C10orf90: variants seen among roughly 807,000 people sequenced by gnomAD.
C10orf90 encodes chromosome 10 open reading frame 90.
A neutral mutation model predicts 62.5 loss-of-function variants in C10orf90; 56 were observed. The observed-to-expected ratio is 0.90, with a 90% confidence interval of 0.72 to 1.12. The LOEUF is 1.12. Ranked by LOEUF, C10orf90 falls within the 50% of genes most tolerant of loss-of-function variation. The pLI, the probability that C10orf90 is intolerant of heterozygous loss-of-function variation, is 0.00. For synonymous variants in C10orf90, 386 were observed against 340.4 expected (o/e 1.13, Z -1.47); for missense variants, 970 against 880.4 (o/e 1.10, Z -1.29).
At chr10:126,603,697 C>G (rs1845246915) in intron 2 of C10orf90, among the ~76,000 whole-genome samples, 1 of 152,072 alleles carries the variant, frequency 6.6e-6, no homozygotes, top group African/African-American at 2.4e-5. Context: ...TGTGATAATT[C>G]ATATAAGGTG....
Position 126,669,052 on chromosome 10 carries a change from C to T in C10orf90, c.240+1189G>A, listed in dbSNP as rs1846693683. ...AACAAGTTTTTCTCTCTCTGGAGGA[C>T]TGGAAAATAACCTCAGTGAAAATTA... On this transcript the variant is annotated intron_variant, in intron 1 of 9. Coordinates refer to ENST00000488181, the MANE Select transcript of C10orf90 (RefSeq NM_001350921.2). 2.6e-5 allele frequency among the ~76,000 whole-genome samples: 4 copies of T among 152,254 alleles called. No individual in the cohort carries two copies. The South Asian group carries it at 6.2e-4, about 24-fold the overall frequency.
chr10:126,539,369 G>C (rs536669869), intron 2 of C10orf90, among the ~76,000 whole-genome samples: 1 of 152,152 alleles, frequency 6.6e-6, no homozygotes, highest in African/African-American at 2.4e-5. Context: ...CTAAACATAT[G>C]GGGGGAGGAT....
chr10:126,591,668 T>G (rs1844982436), intron 2 of C10orf90, among the ~76,000 whole-genome samples: 1 of 152,104 alleles, frequency 6.6e-6, no homozygotes, highest in African/African-American at 2.4e-5. Context: ...ACCACTTATA[T>G]TCAACATAGT....
intron 4 of C10orf90, among the ~76,000 whole-genome samples, chr10:126,484,486 GCTTT>G (rs1029704608): frequency 1.3e-4 from 20 of 152,070 alleles, no homozygotes; most frequent in Non-Finnish European, 2.4e-4. Flanking sequence ...AAAAAGTCCT[GCTTT>G]ATTTGTGAGT....
intron 1 of C10orf90, among the ~76,000 whole-genome samples, chr10:126,660,344 G>A (rs1214656312): frequency 6.6e-6 from 1 of 152,248 alleles, no homozygotes; most frequent in Admixed American, 6.5e-5. Context: ...AGTCAGGTGA[G>A]CCTTTTATAG....
intron 2 of C10orf90, among the ~76,000 whole-genome samples, chr10:126,584,628 C>T (rs548094509): frequency 6.6e-6 from 1 of 152,226 alleles, no homozygotes; most frequent in East Asian, 1.9e-4. Flanking sequence ...TCACGTGTGC[C>T]CATGTTTTGC....
At chr10:126,537,018 TA>T (rs1864255716) in intron 2 of C10orf90, among the ~76,000 whole-genome samples, 1 of 152,196 alleles carries the variant, frequency 6.6e-6, no homozygotes, top group African/African-American at 2.4e-5. Context: ...AGATAACAGG[TA>T]ATTGCTTTTT....
In C10orf90 at chr10:126,425,791, T is replaced by C. The variant is rs1857225038; in HGVS notation, c.*73A>G. 1 of 1,457,742 alleles carries C rather than the reference T, an allele frequency of 6.9e-7. No individual in the cohort carries two copies. Among genetic ancestry groups the C allele is most frequent in the Non-Finnish European group, 9.3e-7 (1 of 1,072,766 alleles). 90.3% of individuals were successfully genotyped at this position (1,457,742 alleles called of 1,614,324 possible). A position where few individuals can be genotyped will look rare whatever the true frequency, so the allele number is the denominator to read the frequency against. ...TGTTTTCCCATGATGAAGATAATGC[T>C]AAGTTTAATGGCTTATCCAGCATTC... On this transcript the variant is annotated 3_prime_UTR_variant, in exon 10 of 10. Coordinates refer to ENST00000488181, the MANE Select transcript of C10orf90 (RefSeq NM_001350921.2).
intron 4 of C10orf90, among the ~76,000 whole-genome samples, chr10:126,494,229 T>A (rs1332483978): frequency 6.6e-6 from 1 of 152,172 alleles, no homozygotes; most frequent in Non-Finnish European, 1.5e-5. Context: ...ACATCCCACC[T>A]GAAGATTGAG....
At position 126,450,128 on chromosome 10, in the gene C10orf90, G is replaced by A. The variant is rs1239426447; in HGVS notation, c.2188+8912C>T. Among the ~76,000 whole-genome samples, 7 of 152,202 alleles carry A rather than the reference G, an allele frequency of 4.6e-5. No homozygotes were observed. In the South Asian group the frequency reaches 1.2e-3, roughly 27 times the overall value. On this transcript the variant is annotated intron_variant, in intron 7 of 9. Coordinates refer to ENST00000488181, the MANE Select transcript of C10orf90 (RefSeq NM_001350921.2). Reference sequence around the variant, plus strand: ...TAGAAATAAATTTAACTGAGGAAGTGAAATATATATGTACACTAAAAGCTA... The same window carrying A: ...TAGAAATAAATTTAACTGAGGAAGTAAAATATATATGTACACTAAAAGCTA...
chr10:126,607,024 T>C (rs1325878626), intron 2 of C10orf90, among the ~76,000 whole-genome samples: 1 of 152,208 alleles, frequency 6.6e-6, no homozygotes, highest in East Asian at 1.9e-4. Flanking sequence ...ATTTCTGTAA[T>C]ATTATCAAGT....
intron 7 of C10orf90, among the ~76,000 whole-genome samples, chr10:126,448,450 TG>T: frequency 6.6e-6 from 1 of 152,168 alleles, no homozygotes; most frequent in South Asian, 2.1e-4. Flanking sequence ...AACAACCTAC[TG>T]CTACACCTCA....
chr10:126,573,168 A>G (rs1844542700), intron 2 of C10orf90, among the ~76,000 whole-genome samples: 1 of 152,166 alleles, frequency 6.6e-6, no homozygotes, highest in Non-Finnish European at 1.5e-5. Flanking sequence ...TACAACTCTA[A>G]GAGGGTCCAT....
chr10:126,521,064 C>T (rs1025094228), intron 2 of C10orf90, among the ~76,000 whole-genome samples: 5 of 152,158 alleles, frequency 3.3e-5, no homozygotes, highest in Non-Finnish European at 7.3e-5. Flanking sequence ...TTCAGCCAGC[C>T]CACACCAGCG....
intron 3 of C10orf90, among the ~76,000 whole-genome samples, chr10:126,512,492 T>C (rs952106346): frequency 1.3e-5 from 2 of 152,082 alleles, no homozygotes; most frequent in African/African-American, 4.8e-5. Flanking sequence ...TAAACTCTAA[T>C]TAATTTTTGA....
chr10:126,558,565 C>T lies in C10orf90; in HGVS notation c.314-44626G>A, dbSNP rs60295742. Among the ~76,000 whole-genome samples, 836 of 152,284 alleles carry T rather than the reference C, an allele frequency of 5.5e-3. 13 individuals are homozygous for T. Among genetic ancestry groups the T allele is most frequent in the African/African-American group, 0.019 (809 of 41,550 alleles). On this transcript the variant is annotated intron_variant, in intron 2 of 9. Transcript: ENST00000488181. ...TTCCTCGCCTGGGCAATGTTAGCCA[C>T]GGGTCCTTCAAGACACAGCTCAGCT...
At chr10:126,601,813 A>T (rs1256314494) in intron 2 of C10orf90, among the ~76,000 whole-genome samples, 1 of 152,212 alleles carries the variant, frequency 6.6e-6, no homozygotes, top group Non-Finnish European at 1.5e-5. Context: ...CGGTGGAGGG[A>T]GAGGCTTGCC....
At chr10:126,615,759 C>A (rs1170448020) in intron 2 of C10orf90, among the ~76,000 whole-genome samples, 1 of 152,110 alleles carries the variant, frequency 6.6e-6, no homozygotes, top group Non-Finnish European at 1.5e-5. Context: ...TCATACTCAC[C>A]ATAAGAGATG....
chr10:126,564,921 TAATATATAAAATATAAA>T, intron 2 of C10orf90, among the ~76,000 whole-genome samples: 1 of 5,822 alleles, frequency 1.7e-4, no homozygotes, highest in African/African-American at 4.1e-4. Context: ...ATATTATATA[TAATATATAAAATATAAA>T]ATATATATAA....
Sources: allele counts gnomAD v4.1 joint callset (sites outside exome capture counted in the v4.1 genomes callset), GRCh38; gene constraint gnomAD v4.1.1; transcripts MANE v1.5; gene names NCBI Gene and HGNC (gene_info 2026-07-23, HGNC 2026-07-21).